Variants in TNR observed in about 807,000 individuals in gnomAD.
TNR encodes tenascin-R.
In TNR, 45 loss-of-function variants were observed where a neutral mutation model predicts 150.4. The observed-to-expected ratio is 0.30, with a 90% confidence interval of 0.24 to 0.38. The LOEUF (loss-of-function observed/expected upper bound fraction) is 0.38. Ranked by LOEUF, TNR falls within the 10% of genes least tolerant of loss-of-function variation. The pLI is 1.00. For synonymous variants in TNR, 687 were observed against 678.4 expected (o/e 1.01, Z -0.20); for missense variants, 1,544 against 1,759.1 (o/e 0.88, Z 2.19).
At position 175,345,295 on chromosome 1, in the gene TNR, A is replaced by G. The variant is rs80198577; in HGVS notation, c.3383-7616T>C. Among the ~76,000 whole-genome samples, 532 of 152,270 alleles carry G rather than the reference A, an allele frequency of 3.5e-3. 7 individuals are homozygous for G. The highest frequency in any genetic ancestry group is 0.012 in the African/African-American group (510 of 41,540). ...GTGGCCTTTTTCTAATACCTGCATT[A>G]CCAAGCAGAGGAGCCGATAACCCCA... On this transcript the variant is annotated intron_variant, in intron 18 of 22. Transcript: ENST00000367674.
chr1:175,336,563 G>A (rs1650262511), intron 19 of TNR, among the ~76,000 whole-genome samples: 1 of 152,228 alleles, frequency 6.6e-6, no homozygotes, highest in African/African-American at 2.4e-5. Context: ...CAAGTGGTGG[G>A]AACTCCCGGC....
At chr1:175,375,681 G>A (rs375132819) in intron 9 of TNR, among the ~76,000 whole-genome samples, 4 of 152,246 alleles carry the variant, frequency 2.6e-5, no homozygotes, top group South Asian at 4.1e-4. Context: ...GCAGGGAATG[G>A]CAAATACAGG....
chr1:175,512,073 TA>T (rs1252711861), intron 2 of TNR, among the ~76,000 whole-genome samples: 1 of 152,114 alleles, frequency 6.6e-6, no homozygotes, highest in African/African-American at 2.4e-5. Context: ...AAATATTCAT[TA>T]AAAAAATTCC....
In TNR at chr1:175,721,712, T is replaced by C. The variant is rs189665881; in HGVS notation, c.-165+21514A>G. On this transcript the variant is annotated intron_variant, in intron 1 of 22. Coordinates refer to ENST00000367674, the MANE Select transcript of TNR (RefSeq NM_003285.3). ...GTGTTGAGGAACAAGCCTTGTCTTT[T>C]CTCCCTAGCTCCCCAACCCTGTTCA... Among the ~76,000 whole-genome samples the C allele has an allele frequency of 2.5e-3, 386 of 152,194 alleles. 1 individual carries two copies. Among genetic ancestry groups the C allele is most frequent in the African/African-American group, 9.0e-3 (372 of 41,510 alleles).
chr1:175,365,176 G>A lies in TNR; in HGVS notation c.2421C>T (p.Asn807=). Residue 807 remains asparagine, a synonymous_variant, in exon 12 of 23, where the codon AAC becomes AAT. Transcript: ENST00000367674. ...PSPPADRLIL[N]YSPRDEEEEM... ...CTTCCTCCTCATCCCTGGGGCTGTA[G>A]TTAAGAATGAGTCTGTCTGCTGGGG... The A allele has an allele frequency of 6.2e-7, 1 of 1,614,148 alleles. No homozygotes were observed. Among genetic ancestry groups the A allele is most frequent in the Non-Finnish European group, 8.5e-7 (1 of 1,179,998 alleles).
At chr1:175,534,823 G>A (rs2102182782) in intron 1 of TNR, among the ~76,000 whole-genome samples, 1 of 152,304 alleles carries the variant, frequency 6.6e-6, no homozygotes, top group South Asian at 2.1e-4. Flanking sequence ...ACATGTCAAG[G>A]ACACTACCAG....
chr1:175,742,963 T>TACACACACACACACAC (rs66777686), intron 1 of TNR, among the ~76,000 whole-genome samples: 14 of 147,818 alleles, frequency 9.5e-5, no homozygotes, highest in African/African-American at 3.0e-4. Flanking sequence ...TATGCAACAG[T>TACACACACACACACAC]ACACACACAC....
chr1:175,466,889 C>G (rs866082817), intron 2 of TNR, among the ~76,000 whole-genome samples: 25 of 152,004 alleles, frequency 1.6e-4, no homozygotes, highest in African/African-American at 5.8e-4. Flanking sequence ...AGCCACCAAG[C>G]TCCACATCTG....
intron 18 of TNR, among the ~76,000 whole-genome samples, chr1:175,338,429 T>G (rs1265148453): frequency 6.6e-6 from 1 of 152,124 alleles, no homozygotes; most frequent in Non-Finnish European, 1.5e-5. Flanking sequence ...TCAGGGCAAA[T>G]TTTAATGCTG....
intron 1 of TNR, among the ~76,000 whole-genome samples, chr1:175,666,789 C>A (rs560454813): frequency 6.6e-6 from 1 of 152,324 alleles, no homozygotes; most frequent in South Asian, 2.1e-4. Flanking sequence ...CTTTCTGTCA[C>A]CAGGCTGGAG....
At chr1:175,521,739 C>A (rs941184235) in intron 2 of TNR, among the ~76,000 whole-genome samples, 1 of 152,148 alleles carries the variant, frequency 6.6e-6, no homozygotes, top group Non-Finnish European at 1.5e-5. Context: ...TTTCAAGGCC[C>A]AGCTCAATGA....
chr1:175,709,069 C>A (rs1666921525), intron 1 of TNR, among the ~76,000 whole-genome samples: 1 of 152,020 alleles, frequency 6.6e-6, no homozygotes, highest in Non-Finnish European at 1.5e-5. Flanking sequence ...AAGATGAAGG[C>A]CTTTCCATGA....
At chr1:175,594,673 A>G (rs939410139) in intron 1 of TNR, among the ~76,000 whole-genome samples, 2 of 151,682 alleles carry the variant, frequency 1.3e-5, no homozygotes, top group African/African-American at 4.8e-5. Context: ...TGGGCAACAC[A>G]GCAAATCCCC....
chr1:175,633,708 G>T (rs1272072523), intron 1 of TNR, among the ~76,000 whole-genome samples: 1 of 152,152 alleles, frequency 6.6e-6, no homozygotes, highest in African/African-American at 2.4e-5. Flanking sequence ...GGCCAGGAAA[G>T]GGAGGAGGAA....
chr1:175,597,683 G>A (rs1490432001), intron 1 of TNR, among the ~76,000 whole-genome samples: 1 of 152,168 alleles, frequency 6.6e-6, no homozygotes, highest in African/African-American at 2.4e-5. Flanking sequence ...AAACCTTGCT[G>A]AGGGGTGTAT....
intron 2 of TNR, among the ~76,000 whole-genome samples, chr1:175,489,675 T>C (rs762991232): frequency 5.3e-5 from 8 of 152,234 alleles, no homozygotes; most frequent in Non-Finnish European, 2.9e-5. Context: ...GCAAGCTGAA[T>C]GCCCTTGTGT....
chr1:175,448,825 G>A (rs1656180046), intron 2 of TNR, among the ~76,000 whole-genome samples: 3 of 152,224 alleles, frequency 2.0e-5, no homozygotes, highest in Non-Finnish European at 4.4e-5. Context: ...GCAGGCAGGG[G>A]AGCACAGGGA....
chr1:175,543,537 A>T (rs1449535175), intron 1 of TNR, among the ~76,000 whole-genome samples: 1 of 152,182 alleles, frequency 6.6e-6, no homozygotes, highest in African/African-American at 2.4e-5. Context: ...GAGCTAATGG[A>T]ACACAAACTG....
chr1:175,427,701 CCT>C (rs1571424868), intron 2 of TNR, among the ~76,000 whole-genome samples: 1 of 128,594 alleles, frequency 7.8e-6, no homozygotes, highest in East Asian at 2.3e-4. Flanking sequence ...TTCCTTCCTT[CCT>C]TCCCTTCTTC....
Sources: gnomAD v4.1 joint callset for allele counts (sites outside exome capture counted in the v4.1 genomes callset) on GRCh38, gnomAD v4.1.1 for gene constraint, MANE v1.5 for transcripts, NCBI Gene and HGNC (gene_info 2026-07-23, HGNC 2026-07-21) for gene names.